CNTN4: variants seen among roughly 807,000 people sequenced by gnomAD.
CNTN4 encodes the protein contactin 4.
Under a neutral mutation model 122.5 loss-of-function variants are expected in CNTN4, and 77 were observed. The ratio of observed to expected loss-of-function variants is 0.63; its 90% CI spans 0.52 to 0.76. The LOEUF is 0.76. Ranked by LOEUF, CNTN4 falls within the 30% of genes least tolerant of loss-of-function variation. CNTN4 has a pLI of 0.00. For missense variants in CNTN4, 1,256 were observed against 1,259.1 expected (o/e 1.00, Z 0.04); for synonymous variants, 512 against 447.0 (o/e 1.15, Z -1.83).
chr3:2,734,431 C>G (rs1003243367), intron 4 of CNTN4, among the ~76,000 whole-genome samples: 1 of 152,158 alleles, frequency 6.6e-6, no homozygotes, highest in Non-Finnish European at 1.5e-5. Context: ...AGATGAAACA[C>G]TTCAGGCATG....
chr3:2,677,514 C>G (rs1295702498), intron 4 of CNTN4, among the ~76,000 whole-genome samples: 1 of 144,686 alleles, frequency 6.9e-6, no homozygotes, highest in African/African-American at 2.6e-5. Flanking sequence ...ATCTATCTAT[C>G]TATCTATCTG....
intron 2 of CNTN4, among the ~76,000 whole-genome samples, chr3:2,234,177 G>A (rs190839052): frequency 1.1e-3 from 165 of 151,956 alleles, no homozygotes; most frequent in Non-Finnish European, 1.9e-3. Flanking sequence ...TCAGGAGTTC[G>A]AGAGTAGCCT....
At chr3:2,414,013 C>G (rs992708628) in intron 3 of CNTN4, among the ~76,000 whole-genome samples, 1 of 152,116 alleles carries the variant, frequency 6.6e-6, no homozygotes, top group Non-Finnish European at 1.5e-5. Context: ...TCGTTGAATA[C>G]CGAGGATGGC....
intron 6 of CNTN4, among the ~76,000 whole-genome samples, chr3:2,781,212 A>G (rs2091554819): frequency 6.6e-6 from 1 of 152,252 alleles, no homozygotes; most frequent in South Asian, 2.1e-4. Flanking sequence ...CACTGAATTC[A>G]ATAAATACCA....
chr3:2,617,490 G>GC (rs1430783412), intron 4 of CNTN4, among the ~76,000 whole-genome samples: 1 of 127,748 alleles, frequency 7.8e-6, no homozygotes, highest in East Asian at 2.2e-4. Flanking sequence ...ACATGATCTT[G>GC]GCTCACTGCA....
Position 2,887,199 on chromosome 3 carries a change from A to T in CNTN4, c.915A>T (p.Val305=), listed in dbSNP as rs746791283. The T allele has an allele frequency of 6.2e-7, 1 of 1,613,772 alleles. No homozygotes were observed. The highest frequency in any genetic ancestry group is 8.5e-7 in the Non-Finnish European group (1 of 1,179,992). ...CTGAAAATTCCAGAGGGAAAAATGT[A>T]GCAAGGGGACAGCTAACTTTCTATG... is the stretch of plus-strand genomic sequence containing the variant. The part of the protein sequence containing the change: ...CVAENSRGKN[V]ARGQLTFYAQ... The change falls in exon 10 of 25, where the codon GTA becomes GTT. Residue 305 remains valine, a synonymous_variant. Coordinates refer to ENST00000418658, the MANE Select transcript of CNTN4 (RefSeq NM_175607.3).
intron 3 of CNTN4, among the ~76,000 whole-genome samples, chr3:2,389,207 A>T (rs1393967922): frequency 6.6e-6 from 1 of 151,614 alleles, no homozygotes; most frequent in Non-Finnish European, 1.5e-5. Flanking sequence ...CTTGCCACTC[A>T]TTCCTGCATG....
chr3:2,447,808 G>C (rs1363757250), intron 3 of CNTN4, among the ~76,000 whole-genome samples: 1 of 152,082 alleles, frequency 6.6e-6, no homozygotes, highest in Non-Finnish European at 1.5e-5. Flanking sequence ...GTTGGGTTCT[G>C]TTAATAAGTA....
At chr3:2,228,597 A>C (rs955153040) in intron 2 of CNTN4, among the ~76,000 whole-genome samples, 1 of 152,102 alleles carries the variant, frequency 6.6e-6, no homozygotes, top group African/African-American at 2.4e-5. Flanking sequence ...CATTATTTCT[A>C]ATGTATCAAA....
At chr3:2,122,657 T>G (rs2033880431) in intron 2 of CNTN4, among the ~76,000 whole-genome samples, 1 of 152,204 alleles carries the variant, frequency 6.6e-6, no homozygotes, top group African/African-American at 2.4e-5. Flanking sequence ...GTATTGTACA[T>G]TTAAAAACTT....
intron 12 of CNTN4, among the ~76,000 whole-genome samples, chr3:2,913,694 T>C (rs1049859401): frequency 4.6e-5 from 7 of 151,350 alleles, no homozygotes; most frequent in African/African-American, 1.7e-4. Context: ...AAGAGAGAAA[T>C]AGCAGCACAA....
chr3:2,178,039 A>G (rs1026730821), intron 2 of CNTN4, among the ~76,000 whole-genome samples: 5 of 152,004 alleles, frequency 3.3e-5, no homozygotes, highest in African/African-American at 1.2e-4. Context: ...TCTTATTTTC[A>G]AAGTCATTAC....
intron 4 of CNTN4, among the ~76,000 whole-genome samples, chr3:2,611,082 A>G (rs1377795503): frequency 3.9e-5 from 6 of 152,056 alleles, no homozygotes; most frequent in East Asian, 1.9e-4. Flanking sequence ...ACTATTTTCA[A>G]TAGATATTGT....
chr3:2,935,501 ATCT>A (rs2094559981), intron 13 of CNTN4, among the ~76,000 whole-genome samples: 1 of 152,198 alleles, frequency 6.6e-6, no homozygotes, highest in South Asian at 2.1e-4. Flanking sequence ...CCTCACCCAA[ATCT>A]TCTACAAGAT....
At chr3:3,039,045 G>A in intron 19 of CNTN4, 42 bp downstream of exon 19, 1 of 1,509,348 alleles carries the variant, frequency 6.6e-7, no homozygotes, top group African/African-American at 1.4e-5. Flanking sequence ...ACGCATCGAA[G>A]CTATTTTATT....
At chr3:2,266,260 G>A (rs540316832) in intron 2 of CNTN4, among the ~76,000 whole-genome samples, 2 of 152,056 alleles carry the variant, frequency 1.3e-5, no homozygotes, top group East Asian at 3.9e-4. Context: ...TTTGTTGACA[G>A]TTTTCATCAT....
chr3:2,469,927 A>G (rs537351416), intron 3 of CNTN4, among the ~76,000 whole-genome samples: 18 of 152,362 alleles, frequency 1.2e-4, no homozygotes, highest in African/African-American at 4.3e-4. Context: ...TAGTGTTTAT[A>G]TGTGAGATAA....
intron 6 of CNTN4, among the ~76,000 whole-genome samples, chr3:2,781,716 ATTTTTTTTTT>A (rs59896254): frequency 0.014 from 1,193 of 85,988 alleles, 21 homozygotes; most frequent in African/African-American, 0.049. Context: ...CTTTGGGTAA[ATTTTTTTTTT>A]TTTTTTTTTT....
chr3:2,296,164 C>G (rs540235387), intron 2 of CNTN4, among the ~76,000 whole-genome samples: 3 of 152,180 alleles, frequency 2.0e-5, no homozygotes, highest in South Asian at 4.2e-4. Flanking sequence ...GATGCGGGCT[C>G]TTTTTTGGTT....
Sources: gnomAD v4.1 joint callset for allele counts (sites outside exome capture counted in the v4.1 genomes callset) on GRCh38, gnomAD v4.1.1 for gene constraint, MANE v1.5 for transcripts, NCBI Gene and HGNC (gene_info 2026-07-23, HGNC 2026-07-21) for gene names.